The following EPHX2 variants were observed in gnomAD, a reference collection of about 807,000 sequenced individuals.
EPHX2 encodes the protein epoxide hydrolase 2, also known as bifunctional epoxide hydrolase 2.
A neutral mutation model predicts 78.7 loss-of-function variants in EPHX2; 74 were observed. The ratio of observed to expected loss-of-function variants is 0.94; its 90% CI spans 0.78 to 1.14. The LOEUF is 1.14. EPHX2 is among the 50% of genes most tolerant of loss of function. The pLI is 0.00. For missense variants in EPHX2, 715 were observed against 702.5 expected (o/e 1.02, Z -0.20); for synonymous variants, 251 against 255.2 (o/e 0.98, Z 0.16).
chr8:27,547,299 A>G (rs924621215), downstream of EPHX2, among the ~76,000 whole-genome samples: 30 of 152,206 alleles, frequency 2.0e-4, no homozygotes, highest in African/African-American at 7.0e-4. Context: ...CCACACGTCA[A>G]CTGTTGCAGT....
chr8:27,515,752 C>G lies in EPHX2; in HGVS notation c.770C>G (p.Ser257Cys). 6.2e-7 allele frequency: 1 copy of G among 1,614,110 alleles called. No homozygotes were observed. ...CGTCTGCATTTTGTGGAGCTGGGCT[C>G]CGGCCCTGCTGTGTGCCTCTGCCAT... Reference protein sequence around the residue: ...RVRLHFVELGSGPAVCLCHGF... With the variant: ...RVRLHFVELGCGPAVCLCHGF... The change falls in exon 7 of 19, where the codon TCC becomes TGC. Residue 257 changes from serine (S) to cysteine (C), a missense_variant. Transcript: ENST00000521400.
At chr8:27,516,103 G>A (rs1257078043) in intron 7 of EPHX2, among the ~76,000 whole-genome samples, 1 of 152,192 alleles carries the variant, frequency 6.6e-6, no homozygotes, top group Non-Finnish European at 1.5e-5. Flanking sequence ...CAGGGAAGAT[G>A]CTGTCTTAGA....
chr8:27,520,622 G>A (rs532553229), intron 9 of EPHX2, among the ~76,000 whole-genome samples: 79 of 152,290 alleles, frequency 5.2e-4, no homozygotes, highest in Middle Eastern at 3.4e-3. Context: ...TGGGATTACA[G>A]CCTTGAGCGA....
chr8:27,504,222 C>T (rs1257829129), intron 3 of EPHX2, among the ~76,000 whole-genome samples: 1 of 151,720 alleles, frequency 6.6e-6, no homozygotes, highest in Non-Finnish European at 1.5e-5. Context: ...TTGGTGTGAA[C>T]ACCTGACTCT....
intron 11 of EPHX2, 109 bp from the exon 12 acceptor site, chr8:27,525,253 A>G (rs1294883172): frequency 3.3e-6 from 3 of 910,006 alleles, no homozygotes; most frequent in Non-Finnish European, 5.4e-6. Flanking sequence ...GACCTTGTGC[A>G]TAGAATGTTC....
At chr8:27,540,458 A>C in intron 14 of EPHX2, 96 bp from the exon 15 acceptor site, 1 of 1,045,780 alleles carries the variant, frequency 9.6e-7, no homozygotes, top group South Asian at 1.3e-5. Flanking sequence ...GCCTTGCGCA[A>C]GTTCAGATGG....
intron 12 of EPHX2, among the ~76,000 whole-genome samples, chr8:27,532,942 G>A (rs1049223986): frequency 5.9e-5 from 9 of 152,030 alleles, no homozygotes; most frequent in African/African-American, 1.7e-4. Flanking sequence ...GCCAGACCCC[G>A]TCTCTACAAA....
At chr8:27,535,568 T>A (rs1815186541) in intron 12 of EPHX2, among the ~76,000 whole-genome samples, 1 of 152,154 alleles carries the variant, frequency 6.6e-6, no homozygotes, top group African/African-American at 2.4e-5. Context: ...AGCTTTCGGG[T>A]CCACCATCTT....
At chr8:27,526,598 G>A (rs1267305357) in intron 12 of EPHX2, among the ~76,000 whole-genome samples, 1 of 152,184 alleles carries the variant, frequency 6.6e-6, no homozygotes, top group Non-Finnish European at 1.5e-5. Context: ...AACAGACTGG[G>A]CAGCTTCAAC....
intron 12 of EPHX2, among the ~76,000 whole-genome samples, chr8:27,530,251 T>C (rs1814991220): frequency 6.6e-6 from 1 of 152,098 alleles, no homozygotes; most frequent in Non-Finnish European, 1.5e-5. Flanking sequence ...GGACAGCTGG[T>C]GATTAGTTAC....
chr8:27,541,237 C>T (rs1815390026), intron 15 of EPHX2, among the ~76,000 whole-genome samples: 1 of 152,188 alleles, frequency 6.6e-6, no homozygotes, highest in Non-Finnish European at 1.5e-5. Context: ...AAAAGCCAAC[C>T]TAGAGGCTGC....
Position 27,491,240 on chromosome 8 carries a change from A to G in EPHX2, c.32A>G (p.Asp11Gly). Residue 11 changes from aspartate to glycine, a missense_variant, in exon 1 of 19, where the codon GAC becomes GGC. Coordinates refer to ENST00000521400, the MANE Select transcript of EPHX2 (RefSeq NM_001979.6). The stretch of plus-strand genomic sequence containing the variant: ...CTGCGCGCGGCCGTCTTCGACCTTG[A>G]CGGGGTGCTGGCGCTGCCAGCGGTG... MTLRAAVFDLDGVLALPAVFG... is the reference protein window; with the variant it reads MTLRAAVFDLGGVLALPAVFG... The G allele has an allele frequency of 6.3e-7, 1 of 1,585,406 alleles. No homozygotes were observed. The highest frequency in any genetic ancestry group is 8.5e-7 in the Non-Finnish European group (1 of 1,174,506).
At chr8:27,530,633 T>G (rs1241286334) in intron 12 of EPHX2, among the ~76,000 whole-genome samples, 1 of 152,222 alleles carries the variant, frequency 6.6e-6, no homozygotes, top group East Asian at 1.9e-4. Context: ...AGACTATGGA[T>G]TATGTAATCC....
chr8:27,491,194 TGCAGACCCGCCGCCATGACGCTGC>T lies in EPHX2; in HGVS notation c.-12_12del. The T allele has an allele frequency of 1.9e-6, 3 of 1,568,012 alleles. No homozygotes were observed. Among genetic ancestry groups the T allele is most frequent in the Non-Finnish European group, 2.6e-6 (3 of 1,165,576 alleles). Reference sequence around the variant, plus strand: ...TTAGCTGCGTGTCCGGGTGCTAGGCTGCAGACCCGCCGCCATGACGCTGCGCGCGGCCGTCTTCGACCTTGACGG... The same window carrying T: ...TTAGCTGCGTGTCCGGGTGCTAGGCTGCGCGGCCGTCTTCGACCTTGACGG... On this transcript the variant is annotated start_lost and 5_prime_UTR_variant, in exon 1 of 19. Transcript: ENST00000521400.
At chr8:27,548,393 A>G (rs549038860), downstream of EPHX2, among the ~76,000 whole-genome samples, 53 of 152,318 alleles carry the variant, frequency 3.5e-4, no homozygotes, top group Admixed American at 1.8e-3. Context: ...TCACTGTTCA[A>G]AGGACTCCAT....
chr8:27,499,086 A>G (rs1373699356), intron 1 of EPHX2, among the ~76,000 whole-genome samples: 4 of 152,130 alleles, frequency 2.6e-5, no homozygotes, highest in Non-Finnish European at 5.9e-5. Flanking sequence ...TCAGTGTGCT[A>G]GCTCAGGCCT....
intron 9 of EPHX2, 103 bp from the exon 10 acceptor site, chr8:27,520,780 C>T: frequency 7.1e-7 from 1 of 1,406,270 alleles, no homozygotes; most frequent in Non-Finnish European, 1.0e-6. Context: ...GGGGTTAGGA[C>T]TTCAACACAG....
At chr8:27,523,176 G>T (rs912332709) in intron 11 of EPHX2, among the ~76,000 whole-genome samples, 1 of 152,086 alleles carries the variant, frequency 6.6e-6, no homozygotes, top group Non-Finnish European at 1.5e-5. Context: ...CCTTCGGTCT[G>T]CCCTGATCAG....
chr8:27,544,471 T>G lies in EPHX2; in HGVS notation c.1617T>G (p.Ile539Met), dbSNP rs1179380399. The G allele has an allele frequency of 6.2e-7, 1 of 1,613,906 alleles. No homozygotes were observed. The highest frequency in any genetic ancestry group is 8.5e-7 in the Non-Finnish European group (1 of 1,180,030). Reference sequence around the variant, plus strand: ...CAACCGAGGTGAATCAGATCCTCATTAAGTGGCTGGATTCTGATGCCCGGA... The same window carrying G: ...CAACCGAGGTGAATCAGATCCTCATGAAGTGGCTGGATTCTGATGCCCGGA... ...DKPTEVNQIL[I>M]KWLDSDARNP... The change falls in exon 19 of 19, where the codon ATT becomes ATG. Residue 539 changes from isoleucine (I) to methionine (M), a missense_variant. Coordinates refer to ENST00000521400, the MANE Select transcript of EPHX2 (RefSeq NM_001979.6).
Sources: allele counts gnomAD v4.1 joint callset (sites outside exome capture counted in the v4.1 genomes callset), GRCh38; gene constraint gnomAD v4.1.1; transcripts MANE v1.5; gene names NCBI Gene and HGNC (gene_info 2026-07-23, HGNC 2026-07-21).